Variants in PIP4P2 observed in about 807,000 individuals in gnomAD.
PIP4P2 encodes phosphatidylinositol-4,5-bisphosphate 4-phosphatase 2.
A neutral mutation model predicts 33.3 loss-of-function variants in PIP4P2; 19 were observed. The ratio of observed to expected loss-of-function variants is 0.57; its 90% CI spans 0.40 to 0.84. PIP4P2 has a LOEUF of 0.84. Among genes scored for constraint, PIP4P2 ranks in the 40% least tolerant of loss-of-function variants. The pLI is 0.00. For missense variants in PIP4P2, 270 were observed against 324.7 expected (o/e 0.83, Z 1.29); for synonymous variants, 110 against 111.9 (o/e 0.98, Z 0.11).
rs555025042 is a variant in PIP4P2, at chr8:91,013,963, GA to G, written c.486+4426del. Among the ~76,000 whole-genome samples, 453 of 152,190 alleles carry G rather than the reference GA, an allele frequency of 3.0e-3. 10 individuals carry two copies. Among genetic ancestry groups the G allele is most frequent in the South Asian group, 0.013 (64 of 4,822 alleles). On this transcript the variant is annotated intron_variant, in intron 4 of 6. Transcript: ENST00000285419. ...AAAGGAGACATATCCTACTAAATCA[GA>G]AAAATCCTAGCAATTCTGGTTAAAT...
rs372038437 is a variant in PIP4P2 at position 91,040,632 on chromosome 8, C to G, written c.106+12G>C. On this transcript the variant is annotated intron_variant, in intron 1 of 6. Coordinates refer to ENST00000285419, the MANE Select transcript of PIP4P2 (RefSeq NM_018710.3). ...CTTCCTTGCAAAGTAGAGGGATCTACGCTGGCCTTACCTCTGGGGCTGCTT... is the reference window on the plus strand; with the variant it reads ...CTTCCTTGCAAAGTAGAGGGATCTAGGCTGGCCTTACCTCTGGGGCTGCTT... 10 of 1,613,660 alleles carry G rather than the reference C, an allele frequency of 6.2e-6. No homozygotes were observed. Among genetic ancestry groups the G allele is most frequent in the Non-Finnish European group, 7.6e-6 (9 of 1,179,916 alleles).
intron 1 of PIP4P2, among the ~76,000 whole-genome samples, chr8:91,040,433 C>CCAT (rs1288408894): frequency 2.0e-5 from 3 of 150,754 alleles, no homozygotes; most frequent in East Asian, 3.9e-4. Flanking sequence ...ACCACCACCA[C>CCAT]CACCACCATC....
chr8:91,031,519 T>A (rs1812164018), intron 1 of PIP4P2, among the ~76,000 whole-genome samples: 1 of 152,234 alleles, frequency 6.6e-6, no homozygotes, highest in African/African-American at 2.4e-5. Context: ...TCTTGTACAC[T>A]GTTTTAAAAT....
At chr8:91,025,510 T>C (rs2130374206) in intron 1 of PIP4P2, among the ~76,000 whole-genome samples, 1 of 152,326 alleles carries the variant, frequency 6.6e-6, no homozygotes, top group East Asian at 1.9e-4. Flanking sequence ...TAAATTGTTT[T>C]GTTGGATTGC....
At chr8:91,020,061 C>T (rs1811984121) in intron 3 of PIP4P2, 96 bp downstream of exon 3, 2 of 1,205,426 alleles carry the variant, frequency 1.7e-6, no homozygotes, top group Non-Finnish European at 1.2e-6. Context: ...AAAACAAAAA[C>T]TCTTTCTAGA....
intron 5 of PIP4P2, among the ~76,000 whole-genome samples, chr8:90,997,678 C>CTA: frequency 6.6e-6 from 1 of 152,114 alleles, no homozygotes; most frequent in East Asian, 1.9e-4. Flanking sequence ...TACTATATAC[C>CTA]ATATGCAAGG....
chr8:91,014,342 C>A (rs1811882437), intron 4 of PIP4P2, among the ~76,000 whole-genome samples: 1 of 152,042 alleles, frequency 6.6e-6, no homozygotes, highest in Non-Finnish European at 1.5e-5. Context: ...TGGAAACAAC[C>A]CAAATCTCCA....
chr8:91,012,471 A>G (rs547531450), intron 4 of PIP4P2, among the ~76,000 whole-genome samples: 1 of 152,058 alleles, frequency 6.6e-6, no homozygotes, highest in Admixed American at 6.6e-5. Flanking sequence ...AGAACTTTGT[A>G]GTCAGTGTAT....
rs1811604578 is a variant in PIP4P2 at position 90,994,626 on chromosome 8, T to C, written c.*1051A>G. The C allele has an allele frequency of 6.6e-6, 1 of 152,562 alleles. No homozygotes were observed. The highest frequency in any genetic ancestry group is 2.1e-4 in the South Asian group (1 of 4,832). 9.5% of individuals were successfully genotyped at this position (152,562 alleles called of 1,614,324 possible). A position where few individuals can be genotyped will look rare whatever the true frequency, so the allele number is the denominator to read the frequency against. ...AGAAAATTATGTTGTTCTTTATTTCTGATCTATTTTCTTGAATAATTTGGG... is the reference window on the plus strand; with the variant it reads ...AGAAAATTATGTTGTTCTTTATTTCCGATCTATTTTCTTGAATAATTTGGG... On this transcript the variant is annotated 3_prime_UTR_variant, in exon 7 of 7. Coordinates refer to ENST00000285419, the MANE Select transcript of PIP4P2 (RefSeq NM_018710.3).
At chr8:91,017,309 G>T (rs1000954229) in intron 4 of PIP4P2, among the ~76,000 whole-genome samples, 25 of 152,240 alleles carry the variant, frequency 1.6e-4, no homozygotes, top group African/African-American at 5.3e-4. Context: ...TGTGGCAGGA[G>T]AATTGCTTGA....
At chr8:90,999,903 T>C (rs1014335257) in intron 5 of PIP4P2, among the ~76,000 whole-genome samples, 2 of 152,068 alleles carry the variant, frequency 1.3e-5, no homozygotes, top group Non-Finnish European at 2.9e-5. Context: ...AGTCTAATGA[T>C]ATACATGGAC....
chr8:90,996,857 T>G, intron 5 of PIP4P2, 113 bp from the exon 6 acceptor site: 1 of 791,766 alleles, frequency 1.3e-6, no homozygotes, highest in African/African-American at 1.8e-5. Flanking sequence ...TTTTTATTCA[T>G]TGCTTCAACT....
intron 1 of PIP4P2, among the ~76,000 whole-genome samples, chr8:91,026,356 G>A (rs1812084495): frequency 6.6e-6 from 1 of 152,054 alleles, no homozygotes; most frequent in Non-Finnish European, 1.5e-5. Context: ...GCTTCCTTGT[G>A]TAGACCCCCA....
At chr8:91,003,557 T>A (rs1811727713) in intron 5 of PIP4P2, among the ~76,000 whole-genome samples, 1 of 152,044 alleles carries the variant, frequency 6.6e-6, no homozygotes, top group Non-Finnish European at 1.5e-5. Flanking sequence ...TCAATACACA[T>A]GGGAGATTGG....
chr8:91,038,238 G>A (rs1812258677), intron 1 of PIP4P2, among the ~76,000 whole-genome samples: 1 of 152,146 alleles, frequency 6.6e-6, no homozygotes, highest in Non-Finnish European at 1.5e-5. Flanking sequence ...TCATCTTGGA[G>A]GTGGGAACTA....
intron 1 of PIP4P2, among the ~76,000 whole-genome samples, chr8:91,039,797 A>G (rs1812280209): frequency 1.3e-5 from 2 of 152,208 alleles, no homozygotes; most frequent in Non-Finnish European, 2.9e-5. Flanking sequence ...GGCTTAGAAC[A>G]ACGATCGATT....
rs1274747329 is a variant in PIP4P2, at chr8:90,996,713, G to A, written c.571C>T (p.Arg191Cys). 9.9e-6 allele frequency: 16 copies of A among 1,609,464 alleles called. No individual in the cohort carries two copies. The highest frequency in any genetic ancestry group is 1.2e-5 in the Non-Finnish European group (14 of 1,177,744). The change falls in exon 6 of 7, where the codon CGC becomes TGC. Residue 191 changes from arginine (R) to cysteine (C), a missense_variant. Transcript: ENST00000285419. ...SSVGSALPRRRCCAYITIGMI... is the reference protein window; with the variant it reads ...SSVGSALPRRCCCAYITIGMI... Reference sequence around the variant, plus strand: ...CCAATGGTAATATATGCACAGCAGCGTCTTCGTGGAAGTGCACTACCCACT... The same window carrying A: ...CCAATGGTAATATATGCACAGCAGCATCTTCGTGGAAGTGCACTACCCACT...
At chr8:91,014,694 C>A (rs1248239184) in intron 4 of PIP4P2, among the ~76,000 whole-genome samples, 1 of 148,464 alleles carries the variant, frequency 6.7e-6, no homozygotes, top group Non-Finnish European at 1.5e-5. Flanking sequence ...ACTATAGTTA[C>A]CAATATTGTA....
intron 1 of PIP4P2, among the ~76,000 whole-genome samples, chr8:91,038,572 C>T (rs1812264423): frequency 6.6e-6 from 1 of 152,154 alleles, no homozygotes; most frequent in Non-Finnish European, 1.5e-5. Context: ...GGATTGATCA[C>T]TCTTGTTCCC....
Sources: allele counts gnomAD v4.1 joint callset (sites outside exome capture counted in the v4.1 genomes callset), GRCh38; gene constraint gnomAD v4.1.1; transcripts MANE v1.5; gene names NCBI Gene and HGNC (gene_info 2026-07-23, HGNC 2026-07-21).